Variants in SNTB2 observed in about 807,000 individuals in gnomAD.
SNTB2 encodes syntrophin beta 2.
SNTB2 carries 34 observed loss-of-function variants against 46.2 expected under a neutral mutation model. That is an observed-to-expected ratio of 0.74 (90% CI 0.56 to 0.98). SNTB2 has a LOEUF of 0.98. Among genes scored for constraint, SNTB2 ranks in the 50% least tolerant of loss-of-function variants. The pLI is 0.00. For missense variants in SNTB2, 603 were observed against 731.4 expected (o/e 0.82, Z 2.02); for synonymous variants, 290 against 312.6 (o/e 0.93, Z 0.76).
In SNTB2 at chr16:69,308,901, T is replaced by C. The variant is rs1458969846; in HGVS notation, c.*7977T>C. ...AAGCTTTATGTATACTCTATAAATA[T>C]AGATGCATAAACAACACTTCCCCTT... On this transcript the variant is annotated 3_prime_UTR_variant, in exon 7 of 7. Coordinates refer to ENST00000336278, the MANE Select transcript of SNTB2 (RefSeq NM_006750.4). 2.0e-5 allele frequency: 3 copies of C among 152,578 alleles called. No individual in the cohort carries two copies. The highest frequency in any genetic ancestry group is 1.5e-5 in the Non-Finnish European group (1 of 68,032). 9.5% of individuals were successfully genotyped at this position (152,578 alleles called of 1,614,324 possible). A position where few individuals can be genotyped will look rare whatever the true frequency, so the allele number is the denominator to read the frequency against.
intron 1 of SNTB2, among the ~76,000 whole-genome samples, chr16:69,208,740 A>C (rs897645910): frequency 6.6e-5 from 10 of 152,024 alleles, no homozygotes. Flanking sequence ...TCACGCCTGT[A>C]ATCCCAGCAC....
At chr16:69,256,483 A>AT (rs1336361682) in intron 2 of SNTB2, among the ~76,000 whole-genome samples, 3 of 152,030 alleles carry the variant, frequency 2.0e-5, no homozygotes, top group African/African-American at 7.2e-5. Context: ...AAAACTCCCC[A>AT]TTTCACCCTT....
chr16:69,204,348 T>C (rs111990792), intron 1 of SNTB2, among the ~76,000 whole-genome samples: 67 of 152,236 alleles, frequency 4.4e-4, no homozygotes, highest in Middle Eastern at 3.4e-3. Flanking sequence ...GCACCAGAAG[T>C]CTCCCACTGG....
chr16:69,298,322 C>T (rs1374695842), intron 5 of SNTB2, among the ~76,000 whole-genome samples: 9 of 152,010 alleles, frequency 5.9e-5, no homozygotes, highest in East Asian at 5.8e-4. Context: ...TCTTTGATAG[C>T]GTTGACTGTG....
intron 3 of SNTB2, among the ~76,000 whole-genome samples, chr16:69,267,102 A>T (rs1964894374): frequency 6.7e-6 from 1 of 150,346 alleles, no homozygotes; most frequent in Non-Finnish European, 1.5e-5. Flanking sequence ...GTCTCAGCTC[A>T]CTGCAACCTC....
At chr16:69,190,455 T>C (rs1283698428) in intron 1 of SNTB2, among the ~76,000 whole-genome samples, 4 of 152,226 alleles carry the variant, frequency 2.6e-5, no homozygotes, top group Non-Finnish European at 5.9e-5. Flanking sequence ...CCAGAGGCAC[T>C]TGAAGATACC....
At chr16:69,253,416 G>A (rs973412666) in intron 2 of SNTB2, among the ~76,000 whole-genome samples, 74 of 151,722 alleles carry the variant, frequency 4.9e-4, no homozygotes, top group Non-Finnish European at 2.1e-4. Flanking sequence ...TTGGGAGACC[G>A]AGGCGGGTGG....
At chr16:69,198,147 G>C (rs1366489063) in intron 1 of SNTB2, among the ~76,000 whole-genome samples, 2 of 139,312 alleles carry the variant, frequency 1.4e-5, no homozygotes, top group Non-Finnish European at 3.0e-5. Context: ...GCCTCGCTCT[G>C]TCGCCTAGGC....
chr16:69,251,459 T>C (rs977547035), intron 2 of SNTB2, among the ~76,000 whole-genome samples: 2 of 135,814 alleles, frequency 1.5e-5, no homozygotes, highest in Non-Finnish European at 3.1e-5. Context: ...GATAGGTGCA[T>C]GTTTAGTTTA....
intron 1 of SNTB2, among the ~76,000 whole-genome samples, chr16:69,219,358 GT>G (rs1964378198): frequency 6.6e-6 from 1 of 152,208 alleles, no homozygotes; most frequent in Admixed American, 6.5e-5. Context: ...CACTGGAGAT[GT>G]CAACTCAAAG....
chr16:69,198,797 CAT>C (rs1188843372), intron 1 of SNTB2, among the ~76,000 whole-genome samples: 7 of 151,640 alleles, frequency 4.6e-5, no homozygotes, highest in South Asian at 4.2e-4. Flanking sequence ...CCTTCCAGCT[CAT>C]ATTTTACAAT....
At chr16:69,274,648 A>G (rs1307465701) in intron 4 of SNTB2, among the ~76,000 whole-genome samples, 2 of 143,678 alleles carry the variant, frequency 1.4e-5, no homozygotes, top group African/African-American at 5.2e-5. Flanking sequence ...GCGAGACTCC[A>G]TCTCAAAAAA....
At chr16:69,256,076 C>G (rs1027214724) in intron 2 of SNTB2, among the ~76,000 whole-genome samples, 3 of 151,716 alleles carry the variant, frequency 2.0e-5, no homozygotes, top group East Asian at 1.9e-4. Flanking sequence ...GTCCCAGCTA[C>G]TCGGGAGGCT....
intron 1 of SNTB2, among the ~76,000 whole-genome samples, chr16:69,225,746 T>C (rs1048201747): frequency 4.6e-5 from 7 of 152,168 alleles, no homozygotes; most frequent in Non-Finnish European, 8.8e-5. Flanking sequence ...AGGAGAGAGT[T>C]GTTGAAAAGG....
intron 4 of SNTB2, among the ~76,000 whole-genome samples, chr16:69,275,967 A>C (rs145225463): frequency 1.2e-3 from 181 of 152,320 alleles, no homozygotes; most frequent in South Asian, 3.1e-3. Context: ...ATTCTTCAAA[A>C]CCAAAGCTCT....
intron 5 of SNTB2, among the ~76,000 whole-genome samples, chr16:69,297,727 C>G (rs939426097): frequency 1.3e-5 from 2 of 151,998 alleles, no homozygotes; most frequent in African/African-American, 2.4e-5. Context: ...ACCTGGCCAA[C>G]GTGGTGAAAC....
intron 1 of SNTB2, among the ~76,000 whole-genome samples, chr16:69,240,223 A>C (rs1376312717): frequency 2.0e-5 from 3 of 152,194 alleles, no homozygotes; most frequent in Admixed American, 2.0e-4. Flanking sequence ...TTCCTGGTAT[A>C]TAGTAGGAGC....
At chr16:69,198,117 T>TG (rs34821311) in intron 1 of SNTB2, among the ~76,000 whole-genome samples, 18 of 135,334 alleles carry the variant, frequency 1.3e-4, no homozygotes, top group Admixed American at 2.9e-4. Context: ...TTTTTTTTTT[T>TG]TGGGGGGTAG....
At chr16:69,203,686 T>A (rs933638567) in intron 1 of SNTB2, among the ~76,000 whole-genome samples, 3 of 152,114 alleles carry the variant, frequency 2.0e-5, no homozygotes, top group African/African-American at 4.8e-5. Context: ...TGCCTTTCTT[T>A]TCCATTTAAA....
Sources: allele counts gnomAD v4.1 joint callset (sites outside exome capture counted in the v4.1 genomes callset), GRCh38; gene constraint gnomAD v4.1.1; transcripts MANE v1.5; gene names NCBI Gene and HGNC (gene_info 2026-07-23, HGNC 2026-07-21).